The following CNOT3 variants were observed in gnomAD, a reference collection of about 807,000 sequenced individuals.
The protein encoded by CNOT3 is CCR4-NOT transcription complex subunit 3, also known as CCR4-associated factor 3.
A neutral mutation model predicts 89.4 loss-of-function variants in CNOT3; 2 were observed. That is an observed-to-expected ratio of 0.02 (90% CI 0.01 to 0.07). The LOEUF (loss-of-function observed/expected upper bound fraction) is 0.07. Among genes scored for constraint, CNOT3 ranks in the 10% least tolerant of loss-of-function variants. The pLI is 1.00. For synonymous variants in CNOT3, 486 were observed against 402.0 expected (o/e 1.21, Z -2.50); for missense variants, 664 against 1,010.2 (o/e 0.66, Z 4.65).
At chr19:54,141,937 C>T (rs947703459) in intron 1 of CNOT3, 3 of 152,140 alleles carry the variant, frequency 2.0e-5, no homozygotes, top group Non-Finnish European at 4.4e-5. Context: ...TATGTCTTCC[C>T]TTGGACTAAA....
At chr19:54,146,519 C>A (rs1402037379) in intron 9 of CNOT3, 82 bp from the exon 10 acceptor site, 1 of 792,964 alleles carries the variant, frequency 1.3e-6, no homozygotes, top group Non-Finnish European at 2.3e-6. Flanking sequence ...GGGCCCAGGT[C>A]CCCGGGGCAT....
chr19:54,152,819 G>C (rs748115859), intron 15 of CNOT3, 48 bp from the exon 16 acceptor site: 15 of 942,834 alleles, frequency 1.6e-5, no homozygotes, highest in Non-Finnish European at 2.4e-5. Context: ...TTTTGATCAC[G>C]ACAGGACTAG....
Position 54,148,432 on chromosome 19 carries a change from C to G in CNOT3, c.1179C>G (p.Val393=). 1 of 1,566,634 alleles carries G rather than the reference C, an allele frequency of 6.4e-7. No homozygotes were observed. ...PSTTQPRPPS[V]QPSGGGGGGS... ...CGACCCAGCCCCGGCCCCCCAGCGT[C>G]CAGCCTAGCGGAGGCGGAGGCGGCG... Residue 393 remains valine (V), a synonymous_variant, in exon 11 of 18, where the codon GTC becomes GTG. Coordinates refer to ENST00000221232, the MANE Select transcript of CNOT3 (RefSeq NM_014516.4). The surrounding 1 kb of genome is among the most constrained non-coding windows in gnomAD (Gnocchi z 6.3).
At chr19:54,142,189 C>G (rs1178309223) in intron 1 of CNOT3, 1 of 152,322 alleles carries the variant, frequency 6.6e-6, no homozygotes, top group East Asian at 1.9e-4. Flanking sequence ...CCAGGTCTCT[C>G]TTGGGTACTG....
At chr19:54,155,026 CG>C (rs1174292055) in intron 17 of CNOT3, 2 of 505,398 alleles carry the variant, frequency 4.0e-6, no homozygotes, top group Admixed American at 7.4e-5. Flanking sequence ...CTCGAGGAAA[CG>C]AAGGCTGTGC....
chr19:54,155,569 C>T lies in CNOT3; in HGVS notation c.*162C>T, dbSNP rs1184275107. 1.0e-6 allele frequency: 1 copy of T among 977,742 alleles called. No homozygotes were observed. Among genetic ancestry groups the T allele is most frequent in the East Asian group, 2.6e-5 (1 of 38,010 alleles). 60.6% of individuals were successfully genotyped at this position (977,742 alleles called of 1,614,324 possible). The stretch of plus-strand genomic sequence containing the variant: ...CGGGAGGTTTTCCTCTCAGCCCCAC[C>T]CTGGGGGCCCGGGGGCGAGGGCTGC... On this transcript the variant is annotated 3_prime_UTR_variant, in exon 18 of 18. Coordinates refer to ENST00000221232, the MANE Select transcript of CNOT3 (RefSeq NM_014516.4).
intron 9 of CNOT3, 40 bp downstream of exon 9, chr19:54,146,083 AGGGCAGGACTCGAGGAGACAAATCTG>A: frequency 6.2e-7 from 1 of 1,605,192 alleles, no homozygotes; most frequent in Non-Finnish European, 8.5e-7. Flanking sequence ...TGTTTCCAGC[AGGGCAGGACTCGAGGAGACAAATCTG>A]GGTCACTCCA....
At chr19:54,142,205 T>A (rs1211258943) in intron 1 of CNOT3, 1 of 152,406 alleles carries the variant, frequency 6.6e-6, no homozygotes, top group Non-Finnish European at 1.5e-5. Context: ...TACTGCCTTC[T>A]GCCCCCAAAT....
chr19:54,152,700 G>A (rs926223365), intron 15 of CNOT3, 74 bp downstream of exon 15: 21 of 1,302,028 alleles, frequency 1.6e-5, no homozygotes, highest in Non-Finnish European at 2.2e-5. Context: ...AACCTGTGAG[G>A]CTGTGGGTAG....
At chr19:54,152,181 C>T (rs1396803767) in intron 13 of CNOT3, 45 bp from the exon 14 acceptor site, 25 of 1,603,088 alleles carry the variant, frequency 1.6e-5, no homozygotes, top group East Asian at 2.2e-5. Context: ...TGCACTTGCT[C>T]CTGCAGCCCA....
intron 9 of CNOT3, 51 bp downstream of exon 9, chr19:54,146,094 C>G (rs370742237): frequency 7.5e-6 from 12 of 1,596,874 alleles, no homozygotes; most frequent in African/African-American, 1.3e-5. Flanking sequence ...GGGCAGGACT[C>G]GAGGAGACAA....
chr19:54,143,338 G>A lies in CNOT3; in HGVS notation c.94-104G>A. ...CAGCTCTAAGATGGATTGGGGGTAG[G>A]GGTTGGGGGGGGTCCTCGAGTCCCT... On this transcript the variant is annotated intron_variant, in intron 3 of 17. Coordinates refer to ENST00000221232, the MANE Select transcript of CNOT3 (RefSeq NM_014516.4). The A allele has an allele frequency of 5.6e-6, 7 of 1,253,200 alleles. No individual in the cohort carries two copies. The South Asian group carries it at 7.2e-5, about 13-fold the overall frequency. 77.6% of individuals were successfully genotyped at this position (1,253,200 alleles called of 1,614,324 possible).
Position 54,148,457 on chromosome 19 carries a change from G to GGCA in CNOT3, c.1207_1209dup (p.Ser403dup). ...CCAGCCTAGCGGAGGCGGAGGCGGC[G>GGCA]GCAGCGGAGGCGGAGGGAGCAGCAG... On this transcript the variant is annotated inframe_insertion, in exon 11 of 18. Coordinates refer to ENST00000221232, the MANE Select transcript of CNOT3 (RefSeq NM_014516.4). This position sits in a 1 kb window ranked among gnomAD's most constrained non-coding sequence, Gnocchi z 6.3. 1 of 1,563,798 alleles carries GGCA rather than the reference G, an allele frequency of 6.4e-7. No homozygotes were observed. Among genetic ancestry groups the GGCA allele is most frequent in the Admixed American group, 1.8e-5 (1 of 56,252 alleles).
intron 5 of CNOT3, 119 bp downstream of exon 5, chr19:54,143,868 C>T (rs1229227819): frequency 4.8e-6 from 7 of 1,461,896 alleles, no homozygotes; most frequent in Non-Finnish European, 1.9e-6. Flanking sequence ...AAGGTTTCTG[C>T]ACCTAAGGGA....
intron 17 of CNOT3, chr19:54,155,076 C>G: frequency 5.3e-6 from 3 of 561,916 alleles, no homozygotes; most frequent in Non-Finnish European, 9.4e-6. Context: ...TGGCAGCTGG[C>G]TTCGGTGGAA....
rs587691536 is a variant in CNOT3, at chr19:54,144,662, T to A, written c.483+330T>A. Reference sequence around the variant, plus strand: ...AAAAGTGAGACCTGAAGGACACCCATGGCAAGAGGCCTCCTGGCACCCAGA... The same window carrying A: ...AAAAGTGAGACCTGAAGGACACCCAAGGCAAGAGGCCTCCTGGCACCCAGA... On this transcript the variant is annotated intron_variant, in intron 7 of 17. Transcript: ENST00000221232. The surrounding 1 kb of genome is among the most constrained non-coding windows in gnomAD (Gnocchi z 4.8). Among the ~76,000 whole-genome samples the A allele has an allele frequency of 8.1e-4, 124 of 152,152 alleles. No individual in the cohort carries two copies. Among genetic ancestry groups the A allele is most frequent in the Non-Finnish European group, 1.4e-3 (97 of 68,008 alleles).
At position 54,152,314 on chromosome 19, in the gene CNOT3, T is replaced by G; in HGVS notation, c.1694T>G (p.Leu565Arg). 2 of 1,614,156 alleles carry G rather than the reference T, an allele frequency of 1.2e-6. No homozygotes were observed. Among genetic ancestry groups the G allele is most frequent in the Middle Eastern group, 3.3e-4 (2 of 6,062 alleles). The change falls in exon 14 of 18, where the codon CTG (leucine) becomes CGG (arginine). Residue 565 changes from leucine (L) to arginine (R), a missense_variant. Physicochemically the swap from Leu to Arg is moderately radical, Grantham distance 102. This residue lies in a region of CNOT3 where 545 missense variants were observed against 566.2 expected (regional missense o/e 0.96). Coordinates refer to ENST00000221232, the MANE Select transcript of CNOT3 (RefSeq NM_014516.4). Reference sequence around the variant, plus strand: ...GAGGACCCTGTGCCAACGCTGCACCTGACCGAGCGAGGTGAGGGACCCAGG... The same window carrying G: ...GAGGACCCTGTGCCAACGCTGCACCGGACCGAGCGAGGTGAGGGACCCAGG... ...GIEDPVPTLHLTERDIILSST... is the reference protein window; with the variant it reads ...GIEDPVPTLHRTERDIILSST...
intron 16 of CNOT3, 44 bp downstream of exon 16, chr19:54,153,043 C>A: frequency 6.4e-7 from 1 of 1,568,740 alleles, no homozygotes. Context: ...CCCGGCTTCG[C>A]CGCCACCGCC....
Position 54,144,157 on chromosome 19 carries a change from A to G in CNOT3, c.387+23A>G. 6.2e-7 allele frequency: 1 copy of G among 1,608,614 alleles called. No homozygotes were observed. The highest frequency in any genetic ancestry group is 8.5e-7 in the Non-Finnish European group (1 of 1,176,820). On this transcript the variant is annotated intron_variant, in intron 6 of 17. Transcript: ENST00000221232. This position sits in a 1 kb window ranked among gnomAD's most constrained non-coding sequence, Gnocchi z 4.8. ...ACGGTGAGTTGGGGTAGAGAAGAGG[A>G]GGTGAACTCTGAGGATCCTGAGCCC...
Sources: gnomAD v4.1 joint callset for allele counts (sites outside exome capture counted in the v4.1 genomes callset) on GRCh38, gnomAD v4.1.1 for gene constraint, gnomAD v4.1.1 regional missense constraint, Gnocchi (gnomAD v3.1) non-coding constraint, MANE v1.5 for transcripts, NCBI Gene and HGNC (gene_info 2026-07-23, HGNC 2026-07-21) for gene names.